The following CTNNA3 variants were observed in gnomAD, a reference collection of about 807,000 sequenced individuals.
The protein encoded by CTNNA3 is catenin alpha-3.
Under a neutral mutation model 95.7 loss-of-function variants are expected in CTNNA3, and 76 were observed. That is an observed-to-expected ratio of 0.79 (90% CI 0.66 to 0.96). The LOEUF (loss-of-function observed/expected upper bound fraction) is 0.96, where lower values mean the gene tolerates loss of function less well. CTNNA3 is among the 40% of genes least tolerant of loss of function. The probability of loss-of-function intolerance (pLI) is 0.00; values close to 1 mark genes in which losing one functional copy is unlikely to be tolerated. For synonymous variants in CTNNA3, 431 were observed against 374.4 expected (o/e 1.15, Z -1.74); for missense variants, 1,191 against 1,089.8 (o/e 1.09, Z -1.31).
chr10:66,406,781 T>A (rs1000839432), intron 11 of CTNNA3, among the ~76,000 whole-genome samples: 14 of 152,140 alleles, frequency 9.2e-5, no homozygotes, highest in Admixed American at 2.6e-4. Context: ...AAACCACTTC[T>A]CCATGCTGCC....
At chr10:66,290,448 G>T (rs946139096) in intron 12 of CTNNA3, among the ~76,000 whole-genome samples, 1 of 151,964 alleles carries the variant, frequency 6.6e-6, no homozygotes, top group Non-Finnish European at 1.5e-5. Context: ...AAATGAAAAT[G>T]ATAATTTCTA....
At chr10:67,111,783 C>T (rs1423197585) in intron 7 of CTNNA3, among the ~76,000 whole-genome samples, 1 of 152,024 alleles carries the variant, frequency 6.6e-6, no homozygotes, top group Non-Finnish European at 1.5e-5. Flanking sequence ...CAGGATACCA[C>T]TATAATTTAA....
chr10:66,710,269 T>C (rs2132602572), intron 9 of CTNNA3, among the ~76,000 whole-genome samples: 1 of 152,280 alleles, frequency 6.6e-6, no homozygotes, highest in South Asian at 2.1e-4. Flanking sequence ...CAAGGTTTCC[T>C]TACTCTTCTA....
intron 7 of CTNNA3, among the ~76,000 whole-genome samples, chr10:67,088,491 C>A (rs2394343): frequency 0.54 from 81,556 of 151,468 alleles, 22,832 homozygotes; most frequent in African/African-American, 0.7. Context: ...CAAAGATAAA[C>A]GGTGCCTGCA....
chr10:66,523,943 A>G (rs1841158982), intron 10 of CTNNA3, among the ~76,000 whole-genome samples: 1 of 152,178 alleles, frequency 6.6e-6, no homozygotes, highest in African/African-American at 2.4e-5. Context: ...AACCGTCCCC[A>G]GGTTGGTCCT....
At chr10:66,664,105 AT>A (rs969935728) in intron 9 of CTNNA3, among the ~76,000 whole-genome samples, 3 of 151,974 alleles carry the variant, frequency 2.0e-5, no homozygotes, top group East Asian at 1.9e-4. Flanking sequence ...TTTTATATTA[AT>A]TTTTTATCAT....
At chr10:67,749,663 G>C (rs566342146) in intron 1 of CTNNA3, among the ~76,000 whole-genome samples, 2 of 152,332 alleles carry the variant, frequency 1.3e-5, no homozygotes, top group African/African-American at 4.8e-5. Context: ...AGCTAAAGCA[G>C]TGTTAAAAGG....
intron 5 of CTNNA3, among the ~76,000 whole-genome samples, chr10:67,328,692 T>C (rs1324785710): frequency 2.0e-5 from 3 of 152,180 alleles, no homozygotes; most frequent in Non-Finnish European, 4.4e-5. Context: ...TTCTCACCCT[T>C]CAGCCCAGCT....
intron 7 of CTNNA3, among the ~76,000 whole-genome samples, chr10:67,000,445 C>A (rs1390589716): frequency 6.6e-6 from 1 of 152,124 alleles, no homozygotes; most frequent in Non-Finnish European, 1.5e-5. Context: ...TTGACTGCTA[C>A]CTAGTTAGTT....
At chr10:66,942,846 T>C (rs1231080588) in intron 7 of CTNNA3, among the ~76,000 whole-genome samples, 18 of 152,168 alleles carry the variant, frequency 1.2e-4, no homozygotes, top group Non-Finnish European at 1.8e-4. Context: ...AATATTTATG[T>C]TTTTAAAAAT....
chr10:67,677,648 C>A (rs185206394), intron 1 of CTNNA3, among the ~76,000 whole-genome samples: 1 of 152,208 alleles, frequency 6.6e-6, no homozygotes, highest in East Asian at 1.9e-4. Context: ...AGGGGTGTTT[C>A]CTAGACACCT....
At chr10:66,680,517 T>A (rs1467794773) in intron 9 of CTNNA3, among the ~76,000 whole-genome samples, 1 of 152,180 alleles carries the variant, frequency 6.6e-6, no homozygotes. Context: ...TATGTATGAA[T>A]GAACAGCAAC....
In CTNNA3 at chr10:67,210,540, T is replaced by G. The variant is rs1864097798; in HGVS notation, c.843+9067A>C. 2.0e-5 allele frequency among the ~76,000 whole-genome samples: 3 copies of G among 152,276 alleles called. No homozygotes were observed. In the South Asian group the frequency reaches 6.2e-4, roughly 32 times the overall value. ...ATGTATGCACTGAGGAATGACTGAATCAAGCTAATTAACATGTCCATCATC... is the reference window on the plus strand; with the variant it reads ...ATGTATGCACTGAGGAATGACTGAAGCAAGCTAATTAACATGTCCATCATC... On this transcript the variant is annotated intron_variant, in intron 6 of 17. Transcript: ENST00000433211.
chr10:67,381,842 A>G (rs1843958898), intron 5 of CTNNA3, among the ~76,000 whole-genome samples: 2 of 152,180 alleles, frequency 1.3e-5, no homozygotes, highest in Admixed American at 6.5e-5. Context: ...CCTGTCTATC[A>G]ATCATTGCCC....
intron 13 of CTNNA3, among the ~76,000 whole-genome samples, chr10:66,109,276 A>T (rs1422818831): frequency 6.6e-6 from 1 of 152,162 alleles, no homozygotes; most frequent in Non-Finnish European, 1.5e-5. Context: ...TGACATCTTG[A>T]TGCAGCCCAA....
chr10:66,520,577 G>A (rs985189842), intron 11 of CTNNA3, 40 bp downstream of exon 11: 3 of 1,552,974 alleles, frequency 1.9e-6, no homozygotes, highest in Admixed American at 3.6e-5. Context: ...TTATAAAATT[G>A]ACAAGAGAAA....
chr10:66,180,627 G>A (rs150834043), intron 13 of CTNNA3, among the ~76,000 whole-genome samples: 69 of 152,226 alleles, frequency 4.5e-4, no homozygotes, highest in Non-Finnish European at 9.6e-4. Flanking sequence ...GTTTTCACAA[G>A]AAATAACCTT....
At chr10:66,481,553 G>C (rs935120196) in intron 11 of CTNNA3, among the ~76,000 whole-genome samples, 14 of 117,948 alleles carry the variant, frequency 1.2e-4, no homozygotes, top group East Asian at 2.7e-4. Flanking sequence ...CTCACTGCAA[G>C]CTCCGCCTCC....
intron 16 of CTNNA3, among the ~76,000 whole-genome samples, chr10:65,977,793 T>TAATG: frequency 6.6e-6 from 1 of 151,572 alleles, no homozygotes; most frequent in South Asian, 2.1e-4. Flanking sequence ...ATTAAAAAAA[T>TAATG]AATAAATAAA....
Sources: gnomAD v4.1 joint callset for allele counts (sites outside exome capture counted in the v4.1 genomes callset) on GRCh38, gnomAD v4.1.1 for gene constraint, MANE v1.5 for transcripts, NCBI Gene and HGNC (gene_info 2026-07-23, HGNC 2026-07-21) for gene names.